Variants in KIRREL3 observed in about 807,000 individuals in gnomAD.
The protein encoded by KIRREL3 is kirre like nephrin family adhesion molecule 3.
Under a neutral mutation model 89.7 loss-of-function variants are expected in KIRREL3, and 36 were observed. The observed-to-expected ratio is 0.40, with a 90% CI of 0.31 to 0.53. KIRREL3 has a LOEUF of 0.53. Ranked by LOEUF, KIRREL3 falls within the 20% of genes least tolerant of loss-of-function variation. The probability of loss-of-function intolerance (pLI) is 0.49; values close to 1 mark genes in which losing one functional copy is unlikely to be tolerated. For synonymous variants in KIRREL3, 445 were observed against 441.4 expected (o/e 1.01, Z -0.10); for missense variants, 864 against 1,056.6 (o/e 0.82, Z 2.53).
At chr11:126,718,312 C>T (rs1948045589) in intron 1 of KIRREL3, among the ~76,000 whole-genome samples, 2 of 152,188 alleles carry the variant, frequency 1.3e-5, no homozygotes, top group South Asian at 4.1e-4. Context: ...CAGTGGGAAG[C>T]AGCTCTTTGA....
At position 126,489,188 on chromosome 11, in the gene KIRREL3, C is replaced by T. The variant is rs1351248024; in HGVS notation, c.434-15722G>A. Among the ~76,000 whole-genome samples the T allele has an allele frequency of 2.0e-5, 3 of 152,104 alleles. No homozygotes were observed. Among genetic ancestry groups the T allele is most frequent in the Non-Finnish European group, 4.4e-5 (3 of 68,022 alleles). On this transcript the variant is annotated intron_variant, in intron 4 of 16. Coordinates refer to ENST00000525144, the MANE Select transcript of KIRREL3 (RefSeq NM_032531.4). The surrounding 1 kb of genome is among the most constrained non-coding windows in gnomAD (Gnocchi z 5.5). Reference sequence around the variant, plus strand: ...GCTGTAGATGGATGCGCTGCGTTTGCGGTGGAGAGCCGGCTGCATGGGAAT... The same window carrying T: ...GCTGTAGATGGATGCGCTGCGTTTGTGGTGGAGAGCCGGCTGCATGGGAAT...
In KIRREL3 at chr11:126,606,715, G is replaced by A. The variant is rs758542128; in HGVS notation, c.56-43803C>T. Among the ~76,000 whole-genome samples the A allele has an allele frequency of 2.0e-5, 3 of 152,194 alleles. No homozygotes were observed. Among genetic ancestry groups the A allele is most frequent in the African/African-American group, 7.2e-5 (3 of 41,444 alleles). On this transcript the variant is annotated intron_variant, in intron 1 of 16. Coordinates refer to ENST00000525144, the MANE Select transcript of KIRREL3 (RefSeq NM_032531.4). This position sits in a 1 kb window ranked among gnomAD's most constrained non-coding sequence, Gnocchi z 4.6. ...GCAGTGAGGGGAGAGACCCAGGGGA[G>A]GGATCATGCTTAACATTCTTGGGAC...
At position 126,872,456 on chromosome 11, in the gene KIRREL3, A is replaced by C. The variant is rs1257636487; in HGVS notation, c.55+127999T>G. On this transcript the variant is annotated intron_variant, in intron 1 of 16. Coordinates refer to ENST00000525144, the MANE Select transcript of KIRREL3 (RefSeq NM_032531.4). The surrounding 1 kb of genome is among the most constrained non-coding windows in gnomAD (Gnocchi z 4.2). ...TCCCCTGCTGCTGCTGTATGCTGCCACTTCAATAAAGTTGCAAACTGATTT... is the reference window on the plus strand; with the variant it reads ...TCCCCTGCTGCTGCTGTATGCTGCCCCTTCAATAAAGTTGCAAACTGATTT... 2.0e-5 allele frequency among the ~76,000 whole-genome samples: 3 copies of C among 152,224 alleles called. No homozygotes were observed. The highest frequency in any genetic ancestry group is 4.4e-5 in the Non-Finnish European group (3 of 68,040).
chr11:126,694,232 C>A lies in KIRREL3; in HGVS notation c.56-131320G>T, dbSNP rs949776383. 2.6e-5 allele frequency among the ~76,000 whole-genome samples: 4 copies of A among 152,210 alleles called. No homozygotes were observed. The highest frequency in any genetic ancestry group is 2.0e-4 in the Admixed American group (3 of 15,284). On this transcript the variant is annotated intron_variant, in intron 1 of 16. Coordinates refer to ENST00000525144, the MANE Select transcript of KIRREL3 (RefSeq NM_032531.4). The surrounding 1 kb of genome is among the most constrained non-coding windows in gnomAD (Gnocchi z 4.4). ...AAAGGCTCTTTGTTTTTCCCCCAGT[C>A]CGAACTCCTAGCTCATCAAACCTTG... is the stretch of plus-strand genomic sequence containing the variant.
In KIRREL3 at chr11:126,508,934, A is replaced by G. The variant is rs2134390198; in HGVS notation, c.433+12381T>C. On this transcript the variant is annotated intron_variant, in intron 4 of 16. Coordinates refer to ENST00000525144, the MANE Select transcript of KIRREL3 (RefSeq NM_032531.4). The surrounding 1 kb of genome is among the most constrained non-coding windows in gnomAD (Gnocchi z 4.9). Reference sequence around the variant, plus strand: ...TCTCTTCTCTCCACTCGAGCAACTCACAAGCTGCCCTTTCTGTGCATAGAA... The same window carrying G: ...TCTCTTCTCTCCACTCGAGCAACTCGCAAGCTGCCCTTTCTGTGCATAGAA... Among the ~76,000 whole-genome samples the G allele has an allele frequency of 6.6e-6, 1 of 152,200 alleles. No individual in the cohort carries two copies. Among genetic ancestry groups the G allele is most frequent in the East Asian group, 1.9e-4 (1 of 5,166 alleles).
At position 126,957,270 on chromosome 11, in the gene KIRREL3, A is replaced by G. The variant is rs538122322; in HGVS notation, c.55+43185T>C. Among the ~76,000 whole-genome samples the G allele has an allele frequency of 6.6e-4, 100 of 152,280 alleles. No homozygotes were observed. In the South Asian group the frequency reaches 0.018, roughly 28 times the overall value. On this transcript the variant is annotated intron_variant, in intron 1 of 16. Transcript: ENST00000525144. ...ATAATCAGCCATTGCTCAGGTCGTG[A>G]AAACTGCTCATGACTGCAGTTCAGT... is the stretch of plus-strand genomic sequence containing the variant.
intron 4 of KIRREL3, among the ~76,000 whole-genome samples, chr11:126,493,675 AG>A (rs1262590282): frequency 6.0e-5 from 9 of 149,788 alleles, no homozygotes; most frequent in African/African-American, 2.0e-4. Flanking sequence ...AAAAAAAAAA[AG>A]AGAGAATTGG....
At position 126,445,028 on chromosome 11, in the gene KIRREL3, C is replaced by T. The variant is rs942468424; in HGVS notation, c.1203G>A (p.Val401=). The T allele has an allele frequency of 1.2e-6, 2 of 1,613,956 alleles. No individual in the cohort carries two copies. Among genetic ancestry groups the T allele is most frequent in the Admixed American group, 3.3e-5 (2 of 60,022 alleles). The change falls in exon 10 of 17, where the codon GTG becomes GTA. Residue 401 remains valine (V), a synonymous_variant. Coordinates refer to ENST00000525144, the MANE Select transcript of KIRREL3 (RefSeq NM_032531.4). ...TCTCCCCGGCTCCCACACGGGGCAC[C>T]ACAGCCCGGCACACGTACTTGCCCG... ...EDAGKYVCRA[V]VPRVGAGERE...
At chr11:126,936,968 T>A (rs555201416) in intron 1 of KIRREL3, 90 of 152,262 alleles carry the variant, frequency 5.9e-4, no homozygotes, top group African/African-American at 1.6e-3. Flanking sequence ...GTCAGGAGGG[T>A]ACACGAATGC....
At position 126,576,029 on chromosome 11, in the gene KIRREL3, T is replaced by C. The variant is rs1242771248; in HGVS notation, c.56-13117A>G. Among the ~76,000 whole-genome samples the C allele has an allele frequency of 6.6e-6, 1 of 152,204 alleles. No homozygotes were observed. Among genetic ancestry groups the C allele is most frequent in the Admixed American group, 6.5e-5 (1 of 15,280 alleles). ...GTGAGGTGGGAACCATCTCTATTAA[T>C]CTCTAGAACCTGGCTCAGAGCCAGG... On this transcript the variant is annotated intron_variant, in intron 1 of 16. Coordinates refer to ENST00000525144, the MANE Select transcript of KIRREL3 (RefSeq NM_032531.4). The surrounding 1 kb of genome is among the most constrained non-coding windows in gnomAD (Gnocchi z 5.4).
rs548025007 is a variant in KIRREL3, at chr11:126,568,209, G to T, written c.56-5297C>A. 1.3e-5 allele frequency among the ~76,000 whole-genome samples: 2 copies of T among 152,152 alleles called. No individual in the cohort carries two copies. The highest frequency in any genetic ancestry group is 3.9e-4 in the East Asian group (2 of 5,178). On this transcript the variant is annotated intron_variant, in intron 1 of 16. Coordinates refer to ENST00000525144, the MANE Select transcript of KIRREL3 (RefSeq NM_032531.4). This position sits in a 1 kb window ranked among gnomAD's most constrained non-coding sequence, Gnocchi z 4.6. The stretch of plus-strand genomic sequence containing the variant: ...TCTGGGCTCTCTCTTAAAGGAGGTG[G>T]GAGCCACGCAGAATGCTAGGCAGGG...
In KIRREL3 at chr11:126,985,592, C is replaced by A. The variant is rs893317328; in HGVS notation, c.55+14863G>T. On this transcript the variant is annotated intron_variant, in intron 1 of 16. Coordinates refer to ENST00000525144, the MANE Select transcript of KIRREL3 (RefSeq NM_032531.4). This position sits in a 1 kb window ranked among gnomAD's most constrained non-coding sequence, Gnocchi z 5.3. ...GACTAACCTGGGGGAGAGGAGACGG[C>A]CACTCCAGAGGGACAGGAGGCACGA... Among the ~76,000 whole-genome samples, 2 of 152,056 alleles carry A rather than the reference C, an allele frequency of 1.3e-5. No individual in the cohort carries two copies. The highest frequency in any genetic ancestry group is 2.9e-5 in the Non-Finnish European group (2 of 68,016).
At chr11:126,493,956 G>A (rs1263118154) in intron 4 of KIRREL3, among the ~76,000 whole-genome samples, 5 of 152,170 alleles carry the variant, frequency 3.3e-5, no homozygotes, top group African/African-American at 9.7e-5. Context: ...GGGGAGGTGA[G>A]TGAGGCTCTT....
chr11:126,963,407 A>G (rs562346764), intron 1 of KIRREL3, among the ~76,000 whole-genome samples: 2 of 152,238 alleles, frequency 1.3e-5, no homozygotes, highest in South Asian at 4.2e-4. Flanking sequence ...AGGCCCATTA[A>G]AAGAAGATAA....
rs535734588 is a variant in KIRREL3, at chr11:126,768,615, G to T, written c.56-205703C>A. ...TTGGAGGACTACTTTGGATGGGGTA[G>T]TCAGGATGGACTCTTGGAGGATGTG... On this transcript the variant is annotated intron_variant, in intron 1 of 16. Coordinates refer to ENST00000525144, the MANE Select transcript of KIRREL3 (RefSeq NM_032531.4). This position sits in a 1 kb window ranked among gnomAD's most constrained non-coding sequence, Gnocchi z 4.5. Among the ~76,000 whole-genome samples, 8 of 152,226 alleles carry T rather than the reference G, an allele frequency of 5.3e-5. No individual in the cohort carries two copies. The highest frequency in any genetic ancestry group is 1.2e-4 in the Non-Finnish European group (8 of 68,036).
chr11:126,665,614 C>T (rs748015133), intron 1 of KIRREL3, among the ~76,000 whole-genome samples: 1 of 152,182 alleles, frequency 6.6e-6, no homozygotes. Context: ...ATCCATGAAC[C>T]AGGAGGCGGG....
intron 7 of KIRREL3, among the ~76,000 whole-genome samples, chr11:126,450,386 AGT>A (rs202141291): frequency 0.016 from 1,632 of 99,552 alleles, 30 homozygotes; most frequent in African/African-American, 0.059. Context: ...TGCATGTGTG[AGT>A]GTGGGTATGT....
Position 126,997,524 on chromosome 11 carries a change from T to A in KIRREL3, c.55+2931A>T, listed in dbSNP as rs767418634. Among the ~76,000 whole-genome samples, 3 of 150,046 alleles carry A rather than the reference T, an allele frequency of 2.0e-5. No homozygotes were observed. The highest frequency in any genetic ancestry group is 4.4e-5 in the Non-Finnish European group (3 of 67,934). On this transcript the variant is annotated intron_variant, in intron 1 of 16. Transcript: ENST00000525144. The surrounding 1 kb of genome is among the most constrained non-coding windows in gnomAD (Gnocchi z 4.3). ...GATAAAGAAATACTTGATCTCAATC[T>A]ACATGAAAAGCCCAAACTTTCAAAG...
Position 126,717,218 on chromosome 11 carries a change from C to A in KIRREL3, c.56-154306G>T, listed in dbSNP as rs1487904990. 3.9e-5 allele frequency among the ~76,000 whole-genome samples: 6 copies of A among 152,174 alleles called. No homozygotes were observed. In the East Asian group the frequency reaches 9.6e-4, roughly 24 times the overall value. ...GAACCCACTGGCATCCTTTCGGAAG[C>A]CTGAGGTTGGGAGTTAGGAGAGAAG... On this transcript the variant is annotated intron_variant, in intron 1 of 16. Transcript: ENST00000525144.
Sources: allele counts gnomAD v4.1 joint callset (sites outside exome capture counted in the v4.1 genomes callset), GRCh38; gene constraint gnomAD v4.1.1; non-coding constraint Gnocchi (gnomAD v3.1); transcripts MANE v1.5; gene names NCBI Gene and HGNC (gene_info 2026-07-23, HGNC 2026-07-21).